The following IGSF21 variants were observed in gnomAD, a reference collection of about 807,000 sequenced individuals.
The protein encoded by IGSF21 is immunoglobulin superfamily member 21.
IGSF21 carries 28 observed loss-of-function variants against 46.8 expected under a neutral mutation model. The observed-to-expected ratio is 0.60, with a 90% CI of 0.44 to 0.82. The LOEUF is 0.82. Among genes scored for constraint, IGSF21 ranks in the 40% least tolerant of loss-of-function variants. IGSF21 has a pLI of 0.00. For synonymous variants in IGSF21, 284 were observed against 273.6 expected, an observed-to-expected ratio of 1.04 and a Z score of -0.38; for missense variants, 624 against 665.5, an observed-to-expected ratio of 0.94 and a Z score of 0.69.
rs889878485 is a variant in IGSF21 at position 18,365,696 on chromosome 1, G to C, written c.1014G>C (p.Leu338=). 1.2e-6 allele frequency: 2 copies of C among 1,607,888 alleles called. No homozygotes were observed. Among genetic ancestry groups the C allele is most frequent in the Non-Finnish European group, 1.7e-6 (2 of 1,175,744 alleles). ...LSMPMQAEVT[L]VAPKGPKIVM... ...TGCCCATGCAGGCAGAGGTCACGCT[G>C]GGTAAGACTTGGTGGGGGCCCTTCT... The change falls in exon 6 of 10, where the codon CTG becomes CTC. Residue 338 remains leucine (L), a splice_region_variant and synonymous_variant. Coordinates refer to ENST00000251296, the MANE Select transcript of IGSF21 (RefSeq NM_032880.5). The surrounding 1 kb of genome is among the most constrained non-coding windows in gnomAD (Gnocchi z 4.8).
At chr1:18,258,625 G>A (rs565280282) in intron 2 of IGSF21, among the ~76,000 whole-genome samples, 1 of 152,278 alleles carries the variant, frequency 6.6e-6, no homozygotes, top group East Asian at 1.9e-4. Flanking sequence ...TAGGGTGGAG[G>A]CATGATACAG....
At chr1:18,176,911 C>T (rs941295629) in intron 1 of IGSF21, among the ~76,000 whole-genome samples, 5 of 152,188 alleles carry the variant, frequency 3.3e-5, no homozygotes, top group African/African-American at 1.2e-4. Flanking sequence ...TTGCCCACTG[C>T]TTATTGAGCT....
intron 6 of IGSF21, among the ~76,000 whole-genome samples, chr1:18,369,130 C>T (rs1426334909): frequency 2.6e-5 from 4 of 152,166 alleles, no homozygotes; most frequent in Admixed American, 1.3e-4. Flanking sequence ...GGGGACACAG[C>T]AGGGCCACCA....
At position 18,224,712 on chromosome 1, in the gene IGSF21, G is replaced by A. The variant is rs1404016394; in HGVS notation, c.71-3186G>A. ...GAGAAAGTTAAGAGAAGTCCTGAAG[G>A]GAAGAACGGGTTTAATTATACTTAA... is the stretch of plus-strand genomic sequence containing the variant. On this transcript the variant is annotated intron_variant, in intron 1 of 9. Transcript: ENST00000251296. Among the ~76,000 whole-genome samples the A allele has an allele frequency of 5.1e-4, 78 of 152,086 alleles. 1 individual carries two copies. The highest frequency in any genetic ancestry group is 4.4e-5 in the Non-Finnish European group (3 of 68,004).
intron 1 of IGSF21, among the ~76,000 whole-genome samples, chr1:18,210,532 C>G (rs574154536): frequency 6.6e-6 from 1 of 152,146 alleles, no homozygotes; most frequent in African/African-American, 2.4e-5. Flanking sequence ...TTTCGACGGC[C>G]GGTCCTGGTG....
chr1:18,134,807 G>T lies in IGSF21; in HGVS notation c.70+26609G>T, dbSNP rs534291776. On this transcript the variant is annotated intron_variant, in intron 1 of 9. Transcript: ENST00000251296. Reference sequence around the variant, plus strand: ...AGTCCACTGTGGCTGGCTCCTCCCCGACTCAACCTGCTCAGACCGGGGCCT... The same window carrying T: ...AGTCCACTGTGGCTGGCTCCTCCCCTACTCAACCTGCTCAGACCGGGGCCT... Among the ~76,000 whole-genome samples the T allele has an allele frequency of 4.3e-4, 66 of 152,338 alleles. No individual in the cohort carries two copies. In the Middle Eastern group the frequency reaches 0.024, roughly 55 times the overall value.
intron 6 of IGSF21, among the ~76,000 whole-genome samples, chr1:18,369,537 G>A (rs557724161): frequency 4.6e-5 from 7 of 152,312 alleles, no homozygotes; most frequent in Admixed American, 2.0e-4. Context: ...GTGGTGAGAC[G>A]TCACTGAGCC....
chr1:18,143,741 C>T (rs1427099859), intron 1 of IGSF21, among the ~76,000 whole-genome samples: 2 of 152,148 alleles, frequency 1.3e-5, no homozygotes, highest in Non-Finnish European at 2.9e-5. Flanking sequence ...ACCTGGTAGG[C>T]CCGTGCCTTC....
intron 1 of IGSF21, among the ~76,000 whole-genome samples, chr1:18,207,462 C>T (rs563848500): frequency 8.5e-5 from 13 of 152,276 alleles, no homozygotes; most frequent in African/African-American, 2.9e-4. Flanking sequence ...GTTTAGCTCT[C>T]CTTGCAGGAA....
chr1:18,362,358 A>G (rs1179228566), intron 5 of IGSF21, 128 bp downstream of exon 5: 7 of 680,736 alleles, frequency 1.0e-5, no homozygotes, highest in African/African-American at 8.8e-5. Context: ...CTCTGTCCCC[A>G]TCTGCCTTGG....
At chr1:18,172,239 C>G (rs1268540339) in intron 1 of IGSF21, among the ~76,000 whole-genome samples, 1 of 152,220 alleles carries the variant, frequency 6.6e-6, no homozygotes. Flanking sequence ...TTCCTGTTAC[C>G]TGAGATGGAA....
intron 1 of IGSF21, among the ~76,000 whole-genome samples, chr1:18,216,251 G>C (rs1355619985): frequency 6.6e-6 from 1 of 152,140 alleles, no homozygotes; most frequent in Non-Finnish European, 1.5e-5. Context: ...ATAATTGGAG[G>C]GGTTTGGAAG....
intron 2 of IGSF21, among the ~76,000 whole-genome samples, chr1:18,275,293 C>G (rs901492596): frequency 1.3e-5 from 2 of 152,168 alleles, no homozygotes; most frequent in Non-Finnish European, 2.9e-5. Flanking sequence ...GGGATCTAAG[C>G]TGGGGCTTGG....
At chr1:18,283,324 AC>A (rs1390760801) in intron 2 of IGSF21, among the ~76,000 whole-genome samples, 20 of 152,314 alleles carry the variant, frequency 1.3e-4, no homozygotes, top group African/African-American at 4.8e-4. Context: ...GAGAGCAGGG[AC>A]TGCCCAGAGA....
chr1:18,307,705 G>A (rs1000218113), intron 3 of IGSF21, among the ~76,000 whole-genome samples: 2 of 152,210 alleles, frequency 1.3e-5, no homozygotes, highest in African/African-American at 4.8e-5. Context: ...AGCTGTGGTC[G>A]GCCTCTGCCG....
intron 3 of IGSF21, among the ~76,000 whole-genome samples, chr1:18,311,514 C>G (rs2085488552): frequency 6.6e-6 from 1 of 152,220 alleles, no homozygotes; most frequent in Non-Finnish European, 1.5e-5. Context: ...GAACAAGTGT[C>G]TTCACCTCTC....
rs983889165 is a variant in IGSF21 at position 18,337,054 on chromosome 1, G to A, written c.424+2044G>A. On this transcript the variant is annotated intron_variant, in intron 4 of 9. Transcript: ENST00000251296. The surrounding 1 kb of genome is among the most constrained non-coding windows in gnomAD (Gnocchi z 5.7). ...ACACATGGGAATTGTGGGAGCTACA[G>A]TATAAGATGAGATTTGAGTTGGGAC... 6.6e-6 allele frequency among the ~76,000 whole-genome samples: 1 copy of A among 152,198 alleles called. No individual in the cohort carries two copies. Among genetic ancestry groups the A allele is most frequent in the Non-Finnish European group, 1.5e-5 (1 of 68,036 alleles).
chr1:18,135,840 G>A (rs372556868), intron 1 of IGSF21, among the ~76,000 whole-genome samples: 20 of 152,132 alleles, frequency 1.3e-4, no homozygotes, highest in Admixed American at 7.9e-4. Flanking sequence ...TCACCACACC[G>A]ACTTCCACAA....
chr1:18,153,076 C>T lies in IGSF21; in HGVS notation c.70+44878C>T, dbSNP rs539339458. The stretch of plus-strand genomic sequence containing the variant: ...GGTGACAGCCCCAGGTTTGGGGGCT[C>T]AGTGTTCGAGCCCCCAAGGGCACTC... On this transcript the variant is annotated intron_variant, in intron 1 of 9. Coordinates refer to ENST00000251296, the MANE Select transcript of IGSF21 (RefSeq NM_032880.5). Among the ~76,000 whole-genome samples, 21 of 152,248 alleles carry T rather than the reference C, an allele frequency of 1.4e-4. No individual in the cohort carries two copies. The South Asian group carries it at 3.3e-3, about 24-fold the overall frequency.
Sources: allele counts gnomAD v4.1 joint callset (sites outside exome capture counted in the v4.1 genomes callset), GRCh38; gene constraint gnomAD v4.1.1; non-coding constraint Gnocchi (gnomAD v3.1); transcripts MANE v1.5; gene names NCBI Gene and HGNC (gene_info 2026-07-23, HGNC 2026-07-21).